Variants in CDK14 observed in about 807,000 individuals in gnomAD.
The protein encoded by CDK14 is cyclin dependent kinase 14.
In CDK14, 34 loss-of-function variants were observed where a neutral mutation model predicts 60.7. The observed-to-expected ratio is 0.56, with a 90% confidence interval of 0.43 to 0.75. The LOEUF (loss-of-function observed/expected upper bound fraction) is 0.75. CDK14 is among the 30% of genes least tolerant of loss of function. The pLI is 0.00. For synonymous variants in CDK14, 197 were observed against 203.7 expected, an observed-to-expected ratio of 0.97 and a Z score of 0.28; for missense variants, 482 against 564.1, an observed-to-expected ratio of 0.85 and a Z score of 1.47.
intron 8 of CDK14, among the ~76,000 whole-genome samples, chr7:90,942,742 G>A (rs1007434752): frequency 1.8e-4 from 27 of 152,098 alleles, no homozygotes; most frequent in East Asian, 5.8e-4. Context: ...ACATGCACCC[G>A]GCTTACATGA....
chr7:90,925,945 C>T (rs1250652281), intron 8 of CDK14, among the ~76,000 whole-genome samples: 1 of 152,166 alleles, frequency 6.6e-6, no homozygotes, highest in African/African-American at 2.4e-5. Context: ...GAAATTTTCT[C>T]TAGATTTTGA....
At chr7:90,874,905 T>C (rs1386748828) in intron 6 of CDK14, among the ~76,000 whole-genome samples, 1 of 152,154 alleles carries the variant, frequency 6.6e-6, no homozygotes, top group Non-Finnish European at 1.5e-5. Context: ...TTTTTAAAAG[T>C]ACACAATTCA....
At chr7:90,968,184 G>C (rs1794813840) in intron 9 of CDK14, among the ~76,000 whole-genome samples, 1 of 152,024 alleles carries the variant, frequency 6.6e-6, no homozygotes, top group African/African-American at 2.4e-5. Context: ...TATGTAATTG[G>C]TAAACTTAGA....
intron 14 of CDK14, among the ~76,000 whole-genome samples, chr7:91,185,615 A>G (rs1486008018): frequency 2.6e-5 from 4 of 152,076 alleles, no homozygotes; most frequent in Non-Finnish European, 4.4e-5. Flanking sequence ...TCCCAAAACT[A>G]TGGGAGGCTT....
At chr7:90,706,123 A>G (rs1801890182) in intron 2 of CDK14, among the ~76,000 whole-genome samples, 1 of 152,088 alleles carries the variant, frequency 6.6e-6, no homozygotes, top group African/African-American at 2.4e-5. Flanking sequence ...CTTTGAAGCT[A>G]TAATTTTTAT....
chr7:90,643,167 CAA>C (rs1286990445), intron 2 of CDK14, among the ~76,000 whole-genome samples: 2 of 152,170 alleles, frequency 1.3e-5, no homozygotes, highest in African/African-American at 4.8e-5. Flanking sequence ...AAGATGAGGA[CAA>C]AGAGAGGGCA....
chr7:90,799,462 C>T (rs1281976524), intron 5 of CDK14, among the ~76,000 whole-genome samples: 14 of 151,864 alleles, frequency 9.2e-5, no homozygotes, highest in African/African-American at 2.4e-4. Flanking sequence ...CGGAGGCAGG[C>T]GGATCACCTG....
At chr7:91,025,004 G>C (rs1796533963) in intron 10 of CDK14, among the ~76,000 whole-genome samples, 1 of 152,140 alleles carries the variant, frequency 6.6e-6, no homozygotes, top group South Asian at 2.1e-4. Context: ...GAATAATTTT[G>C]AAGTAATTTA....
intron 9 of CDK14, chr7:90,979,465 A>G (rs1452424058): frequency 6.6e-6 from 1 of 152,158 alleles, no homozygotes; most frequent in African/African-American, 2.4e-5. Flanking sequence ...TCCTAACCCT[A>G]CACTCTGAGG....
At chr7:90,898,043 C>A (rs1792390691) in intron 6 of CDK14, among the ~76,000 whole-genome samples, 1 of 152,038 alleles carries the variant, frequency 6.6e-6, no homozygotes, top group Non-Finnish European at 1.5e-5. Flanking sequence ...CTTCAGTTGG[C>A]TAACTTCTTT....
At chr7:90,673,377 T>C (rs1303579711) in intron 2 of CDK14, among the ~76,000 whole-genome samples, 1 of 152,166 alleles carries the variant, frequency 6.6e-6, no homozygotes, top group East Asian at 1.9e-4. Flanking sequence ...ACTTCACAGA[T>C]GTGGCCACAT....
intron 7 of CDK14, among the ~76,000 whole-genome samples, chr7:90,915,306 G>T (rs1793043655): frequency 1.3e-5 from 2 of 152,186 alleles, no homozygotes; most frequent in African/African-American, 4.8e-5. Flanking sequence ...GGGCGTGGTG[G>T]TGGGTGCCTG....
rs995236441 is a variant in CDK14 at position 90,748,033 on chromosome 7, A to G, written c.464+258A>G. On this transcript the variant is annotated intron_variant, in intron 4 of 14. Coordinates refer to ENST00000380050, the MANE Select transcript of CDK14 (RefSeq NM_001287135.2). Reference sequence around the variant, plus strand: ...CCCACAACACTGCTTTCTCTTTCAAAGGAGTTGGAACCGTCTAATGAGAAT... The same window carrying G: ...CCCACAACACTGCTTTCTCTTTCAAGGGAGTTGGAACCGTCTAATGAGAAT... Among the ~76,000 whole-genome samples, 5 of 151,914 alleles carry G rather than the reference A, an allele frequency of 3.3e-5. No individual in the cohort carries two copies. In the South Asian group the frequency reaches 8.3e-4, roughly 25 times the overall value.
chr7:91,064,189 A>G (rs697412), intron 11 of CDK14, among the ~76,000 whole-genome samples: 36,991 of 152,114 alleles, frequency 0.24, 5,500 homozygotes, highest in African/African-American at 0.41. Context: ...TCTTGTTTGT[A>G]TGCATGTTCT....
chr7:90,950,520 A>G (rs1794225067), intron 8 of CDK14, among the ~76,000 whole-genome samples: 1 of 152,228 alleles, frequency 6.6e-6, no homozygotes, highest in Admixed American at 6.5e-5. Flanking sequence ...GGAAAATTAT[A>G]AAGTAAAATC....
At chr7:90,727,967 G>T (rs1802702832) in intron 3 of CDK14, among the ~76,000 whole-genome samples, 1 of 152,052 alleles carries the variant, frequency 6.6e-6, no homozygotes, top group Non-Finnish European at 1.5e-5. Context: ...TCTTGAGAAA[G>T]GGTGATGGGG....
intron 14 of CDK14, among the ~76,000 whole-genome samples, chr7:91,166,283 A>G (rs10155875): frequency 0.065 from 9,839 of 152,270 alleles, 1,003 homozygotes; most frequent in African/African-American, 0.22. Flanking sequence ...TTACAGGCTC[A>G]GTGTGTCTTC....
At chr7:90,607,091 T>C (rs1175699680) in intron 2 of CDK14, among the ~76,000 whole-genome samples, 1 of 152,220 alleles carries the variant, frequency 6.6e-6, no homozygotes, top group African/African-American at 2.4e-5. Context: ...ATCACGCTTA[T>C]GAACTATACA....
intron 14 of CDK14, among the ~76,000 whole-genome samples, chr7:91,145,954 A>T (rs73708260): frequency 0.017 from 2,170 of 127,810 alleles, 54 homozygotes; most frequent in African/African-American, 0.056. Flanking sequence ...TTATTTATTT[A>T]TTTTTTATGT....
Sources: gnomAD v4.1 joint callset for allele counts (sites outside exome capture counted in the v4.1 genomes callset) on GRCh38, gnomAD v4.1.1 for gene constraint, MANE v1.5 for transcripts, NCBI Gene and HGNC (gene_info 2026-07-23, HGNC 2026-07-21) for gene names.